The following KCTD3 variants were observed in gnomAD, a reference collection of about 807,000 sequenced individuals.
KCTD3 encodes the protein potassium channel tetramerization domain containing 3.
Under a neutral mutation model 85.8 loss-of-function variants are expected in KCTD3, and 41 were observed. The ratio of observed to expected loss-of-function variants is 0.48; its 90% CI spans 0.37 to 0.62. The LOEUF is 0.62. Among genes scored for constraint, KCTD3 ranks in the 20% least tolerant of loss-of-function variants. The pLI is 0.00. For missense variants in KCTD3, 724 were observed against 989.9 expected (o/e 0.73, Z 3.60); for synonymous variants, 338 against 345.4 (o/e 0.98, Z 0.24).
At chr1:215,580,050 T>A in intron 8 of KCTD3, 51 bp downstream of exon 8, 1 of 1,151,050 alleles carries the variant, frequency 8.7e-7, no homozygotes, top group Non-Finnish European at 1.3e-6. Context: ...GTTTGAAAAT[T>A]AATTGTGATT....
chr1:215,594,607 C>A (rs1660343569), intron 9 of KCTD3, among the ~76,000 whole-genome samples: 2 of 152,066 alleles, frequency 1.3e-5, no homozygotes, highest in Non-Finnish European at 1.5e-5. Context: ...ACTATTATAC[C>A]CTGTGCATCC....
intron 10 of KCTD3, among the ~76,000 whole-genome samples, chr1:215,599,473 T>C (rs897992721): frequency 6.6e-6 from 1 of 152,150 alleles, no homozygotes; most frequent in Non-Finnish European, 1.5e-5. Flanking sequence ...TAAATTTAAA[T>C]TTACATGTAG....
intron 9 of KCTD3, among the ~76,000 whole-genome samples, chr1:215,594,515 C>T (rs1660338477): frequency 6.6e-6 from 1 of 152,120 alleles, no homozygotes; most frequent in African/African-American, 2.4e-5. Flanking sequence ...CTCCTATTAA[C>T]CTTTAAAAAC....
chr1:215,616,201 A>G (rs1008044688), intron 15 of KCTD3, among the ~76,000 whole-genome samples: 1 of 152,210 alleles, frequency 6.6e-6, no homozygotes, highest in Non-Finnish European at 1.5e-5. Context: ...TTTCATATGC[A>G]TACAAATGTT....
intron 15 of KCTD3, among the ~76,000 whole-genome samples, chr1:215,616,286 T>C (rs1413880507): frequency 1.3e-5 from 2 of 152,136 alleles, no homozygotes; most frequent in African/African-American, 4.8e-5. Flanking sequence ...TTTACAGATA[T>C]TATTTAAAAA....
Position 215,567,564 on chromosome 1 carries a change from G to T in KCTD3, c.-122G>T, listed in dbSNP as rs1052360351. ...GTGGGGGAAGCCCCGTGCACCCCCC[G>T]CCCTCCGGCCGCCGCCGCCCCGCTG... On this transcript the variant is annotated 5_prime_UTR_variant, in exon 1 of 18. Coordinates refer to ENST00000259154, the MANE Select transcript of KCTD3 (RefSeq NM_016121.5). 4.7e-6 allele frequency: 2 copies of T among 427,612 alleles called. No homozygotes were observed. The highest frequency in any genetic ancestry group is 1.0e-4 in the East Asian group (2 of 19,938). The allele number at this position is 427,612 out of a possible 1,614,324, so 26.5% of individuals were successfully genotyped here. A position where few individuals can be genotyped will look rare whatever the true frequency, so the allele number is the denominator to read the frequency against.
At chr1:215,579,520 A>G (rs561179281) in intron 7 of KCTD3, among the ~76,000 whole-genome samples, 1 of 147,928 alleles carries the variant, frequency 6.8e-6, no homozygotes, top group South Asian at 2.2e-4. Context: ...TTTTTTTGAG[A>G]CGGAGTCTCG....
At chr1:215,613,959 A>C (rs1655328773) in intron 15 of KCTD3, among the ~76,000 whole-genome samples, 1 of 140,026 alleles carries the variant, frequency 7.1e-6, no homozygotes. Flanking sequence ...TCATTTGCTT[A>C]GGATTGCTTT....
In KCTD3 at chr1:215,575,986, A is replaced by G; in HGVS notation, c.257+12A>G. 7.6e-7 allele frequency: 1 copy of G among 1,319,592 alleles called. No individual in the cohort carries two copies. Among genetic ancestry groups the G allele is most frequent in the Non-Finnish European group, 1.1e-6 (1 of 939,164 alleles). 81.7% of individuals were successfully genotyped at this position (1,319,592 alleles called of 1,614,324 possible). A position where few individuals can be genotyped will look rare whatever the true frequency, so the allele number is the denominator to read the frequency against. On this transcript the variant is annotated intron_variant, in intron 4 of 17. Transcript: ENST00000259154. The stretch of plus-strand genomic sequence containing the variant: ...GAACTAGACTTAAGGTAAGAAATGC[A>G]CTCTTTTTAAAGTAAATTCTTACTG...
chr1:215,573,603 A>G lies in KCTD3; in HGVS notation c.84-183A>G, dbSNP rs73085416. On this transcript the variant is annotated intron_variant, in intron 1 of 17. Transcript: ENST00000259154. ...TTTATTGTTATTGAGAGCTGCTTGT[A>G]TAATCTTAACTCTGAATTGAAAGTA... is the stretch of plus-strand genomic sequence containing the variant. 2.3e-3 allele frequency among the ~76,000 whole-genome samples: 357 copies of G among 152,328 alleles called. 2 individuals carry two copies. Among genetic ancestry groups the G allele is most frequent in the African/African-American group, 7.8e-3 (325 of 41,578 alleles).
At chr1:215,601,157 GAA>G (rs1180322851) in intron 10 of KCTD3, among the ~76,000 whole-genome samples, 4 of 142,634 alleles carry the variant, frequency 2.8e-5, no homozygotes, top group African/African-American at 1.2e-4. Flanking sequence ...GGCTGATTTC[GAA>G]TTCCTGACCT....
chr1:215,567,690 C>T lies in KCTD3; in HGVS notation c.5C>T (p.Ala2Val). The T allele has an allele frequency of 8.1e-7, 1 of 1,239,414 alleles. No individual in the cohort carries two copies. The highest frequency in any genetic ancestry group is 1.0e-6 in the Non-Finnish European group (1 of 987,472). The allele number at this position is 1,239,414 out of a possible 1,614,324, so 76.8% of individuals were successfully genotyped here. A position where few individuals can be genotyped will look rare whatever the true frequency, so the allele number is the denominator to read the frequency against. ...GCGCGTCCGGAGCCGCCGGAGATGGCGGGAGGGCACTGCGGCAGCTTCCCC... is the reference window on the plus strand; with the variant it reads ...GCGCGTCCGGAGCCGCCGGAGATGGTGGGAGGGCACTGCGGCAGCTTCCCC... The part of the protein sequence containing the change: M[A>V]GGHCGSFPAA... The change falls in exon 1 of 18, where the codon GCG becomes GTG. Residue 2 changes from alanine to valine, a missense_variant. Physicochemically the swap from Ala to Val is moderately conservative, Grantham distance 64 (BLOSUM62 0). Coordinates refer to ENST00000259154, the MANE Select transcript of KCTD3 (RefSeq NM_016121.5).
intron 14 of KCTD3, 40 bp downstream of exon 14, chr1:215,608,212 T>G: frequency 1.4e-6 from 2 of 1,453,672 alleles, no homozygotes; most frequent in Non-Finnish European, 1.9e-6. Context: ...GGTACTATAT[T>G]AACTGTTCAG....
At chr1:215,594,446 C>T (rs2102581368) in intron 9 of KCTD3, among the ~76,000 whole-genome samples, 1 of 152,316 alleles carries the variant, frequency 6.6e-6, no homozygotes, top group East Asian at 1.9e-4. Flanking sequence ...CCTACACTTA[C>T]TCTTCTGTTT....
chr1:215,602,271 AG>A, intron 12 of KCTD3, 70 bp downstream of exon 12: 1 of 748,138 alleles, frequency 1.3e-6, no homozygotes, highest in Non-Finnish European at 2.3e-6. Context: ...TTATGTGACT[AG>A]GTCAAATTAA....
intron 14 of KCTD3, 141 bp downstream of exon 14, chr1:215,608,313 TG>T: frequency 1.9e-6 from 1 of 526,830 alleles, no homozygotes; most frequent in Non-Finnish European, 3.1e-6. Context: ...AATTTTAGTG[TG>T]TTTTTCTGAT....
rs1655694065 is a variant in KCTD3 at position 215,621,605 on chromosome 1, A to T, written c.*987A>T. 1 of 152,560 alleles carries T rather than the reference A, an allele frequency of 6.6e-6. No individual in the cohort carries two copies. The highest frequency in any genetic ancestry group is 1.5e-5 in the Non-Finnish European group (1 of 67,982). 9.5% of individuals were successfully genotyped at this position (152,560 alleles called of 1,614,324 possible). On this transcript the variant is annotated 3_prime_UTR_variant, in exon 18 of 18. Coordinates refer to ENST00000259154, the MANE Select transcript of KCTD3 (RefSeq NM_016121.5). ...AATTTTTTTTCATTTAATTGGAATG[A>T]TCTTCAGGTTTCTACAAATAGGGTA...
At chr1:215,592,408 C>G (rs1019090897) in intron 9 of KCTD3, among the ~76,000 whole-genome samples, 1 of 151,696 alleles carries the variant, frequency 6.6e-6, no homozygotes, top group Admixed American at 6.6e-5. Flanking sequence ...GGAGAATAAT[C>G]GGGTGCCATT....
chr1:215,596,734 C>T (rs1264541444), intron 10 of KCTD3, among the ~76,000 whole-genome samples: 2 of 152,076 alleles, frequency 1.3e-5, no homozygotes, highest in African/African-American at 4.8e-5. Context: ...CAAGTGATAG[C>T]TTAAGGATCA....
Sources: allele counts gnomAD v4.1 joint callset (sites outside exome capture counted in the v4.1 genomes callset), GRCh38; gene constraint gnomAD v4.1.1; transcripts MANE v1.5; gene names NCBI Gene and HGNC (gene_info 2026-07-23, HGNC 2026-07-21).